FSTL5: variants seen among roughly 807,000 people sequenced by gnomAD.
The protein encoded by FSTL5 is follistatin-related protein 5.
FSTL5 carries 62 observed loss-of-function variants against 89.1 expected under a neutral mutation model. The observed-to-expected ratio is 0.70, with a 90% CI of 0.57 to 0.86. The LOEUF (loss-of-function observed/expected upper bound fraction) is 0.86. Among genes scored for constraint, FSTL5 ranks in the 40% least tolerant of loss-of-function variants. The probability of loss-of-function intolerance (pLI) is 0.00; values close to 1 mark genes in which losing one functional copy is unlikely to be tolerated. For synonymous variants in FSTL5, 383 were observed against 346.2 expected (o/e 1.11, Z -1.18); for missense variants, 1,057 against 1,001.6 (o/e 1.06, Z -0.75).
At chr4:162,013,628 G>C (rs1736832174) in intron 3 of FSTL5, among the ~76,000 whole-genome samples, 1 of 152,120 alleles carries the variant, frequency 6.6e-6, no homozygotes, top group Admixed American at 6.6e-5. Context: ...TCTCTGCCTT[G>C]ATGACTTAGG....
At chr4:161,674,906 G>A (rs1331372637) in intron 6 of FSTL5, among the ~76,000 whole-genome samples, 1 of 152,038 alleles carries the variant, frequency 6.6e-6, no homozygotes, top group Non-Finnish European at 1.5e-5. Context: ...GCCACACTTC[G>A]GGGGCTCCAC....
chr4:161,456,806 T>C (rs1457005453), intron 14 of FSTL5, among the ~76,000 whole-genome samples: 1 of 152,218 alleles, frequency 6.6e-6, no homozygotes. Flanking sequence ...TGGAGACTAG[T>C]GATAGTGGCT....
At chr4:161,504,174 G>T (rs1313787986) in intron 11 of FSTL5, among the ~76,000 whole-genome samples, 1 of 151,840 alleles carries the variant, frequency 6.6e-6, no homozygotes, top group South Asian at 2.1e-4. Flanking sequence ...GTTTATTAGG[G>T]CTATTTTAAC....
chr4:161,439,747 G>A (rs568320939), intron 15 of FSTL5, among the ~76,000 whole-genome samples: 4 of 152,086 alleles, frequency 2.6e-5, no homozygotes, highest in Non-Finnish European at 4.4e-5. Flanking sequence ...ACACGCACAC[G>A]TGTGCCTTTC....
chr4:161,738,679 T>A (rs1336284477), intron 6 of FSTL5, among the ~76,000 whole-genome samples: 1 of 152,288 alleles, frequency 6.6e-6, no homozygotes, highest in East Asian at 1.9e-4. Context: ...ACCACATTAA[T>A]TGGTGTTGAT....
At position 161,421,717 on chromosome 4, in the gene FSTL5, C is replaced by T. The variant is rs749793416; in HGVS notation, c.1841+33287G>A. Among the ~76,000 whole-genome samples, 4 of 152,154 alleles carry T rather than the reference C, an allele frequency of 2.6e-5. No homozygotes were observed. In the East Asian group the frequency reaches 5.8e-4, roughly 22 times the overall value. On this transcript the variant is annotated intron_variant, in intron 15 of 15. Coordinates refer to ENST00000306100, the MANE Select transcript of FSTL5 (RefSeq NM_020116.5). ...GGCTCTCCCTAATGTGGGTGGGCAT[C>T]GTCCAATCTGTTGAGGGCTTGAATA...
intron 1 of FSTL5, among the ~76,000 whole-genome samples, chr4:162,121,670 T>G (rs1212770461): frequency 6.6e-6 from 1 of 152,054 alleles, no homozygotes; most frequent in Non-Finnish European, 1.5e-5. Flanking sequence ...TACTTAGCTC[T>G]TCTCTACTGT....
intron 14 of FSTL5, among the ~76,000 whole-genome samples, chr4:161,456,946 C>A (rs188828978): frequency 6.6e-6 from 1 of 152,104 alleles, no homozygotes; most frequent in Non-Finnish European, 1.5e-5. Flanking sequence ...TCTCTCCAGA[C>A]AGAGGATAGG....
At chr4:161,773,955 T>G (rs754811586) in intron 5 of FSTL5, among the ~76,000 whole-genome samples, 4 of 152,096 alleles carry the variant, frequency 2.6e-5, no homozygotes, top group Non-Finnish European at 4.4e-5. Flanking sequence ...CATCATTCAA[T>G]GAGTGGATAA....
chr4:161,499,370 C>T (rs1345847230), intron 12 of FSTL5, among the ~76,000 whole-genome samples: 1 of 151,912 alleles, frequency 6.6e-6, no homozygotes, highest in Non-Finnish European at 1.5e-5. Flanking sequence ...ACAAAATATC[C>T]AGGAGGAAAC....
At chr4:161,474,703 G>A (rs988749914) in intron 13 of FSTL5, among the ~76,000 whole-genome samples, 3 of 151,790 alleles carry the variant, frequency 2.0e-5, no homozygotes, top group Non-Finnish European at 2.9e-5. Flanking sequence ...CCGCCACCAC[G>A]CCTGGCTAAT....
In FSTL5 at chr4:161,943,678, C is replaced by G. The variant is rs548250178; in HGVS notation, c.161-23026G>C. On this transcript the variant is annotated intron_variant, in intron 3 of 15. Coordinates refer to ENST00000306100, the MANE Select transcript of FSTL5 (RefSeq NM_020116.5). ...TCATGCCATTCTCCTGCCTCAGCCT[C>G]CCGAGTAGCTGGGACTACAGGCACC... Among the ~76,000 whole-genome samples, 98 of 149,688 alleles carry G rather than the reference C, an allele frequency of 6.5e-4. 1 individual carries two copies. The highest frequency in any genetic ancestry group is 1.1e-3 in the Non-Finnish European group (77 of 67,612).
intron 1 of FSTL5, among the ~76,000 whole-genome samples, chr4:162,146,770 C>CTCTCTCTCTCTT (rs754279568): frequency 6.5e-4 from 93 of 142,918 alleles, no homozygotes; most frequent in Non-Finnish European, 9.5e-4. Flanking sequence ...CTCTCTCTCT[C>CTCTCTCTCTCTT]TCTTTCTTTC....
chr4:161,734,428 G>T (rs1313983835), intron 6 of FSTL5, among the ~76,000 whole-genome samples: 2 of 152,168 alleles, frequency 1.3e-5, no homozygotes, highest in Non-Finnish European at 2.9e-5. Flanking sequence ...AAGTTTCACT[G>T]GCTGACACTA....
intron 6 of FSTL5, among the ~76,000 whole-genome samples, chr4:161,685,565 T>A (rs1364651225): frequency 6.6e-6 from 1 of 152,216 alleles, no homozygotes; most frequent in Non-Finnish European, 1.5e-5. Context: ...CTCAGCTTGG[T>A]CGCTATTGGT....
intron 4 of FSTL5, among the ~76,000 whole-genome samples, chr4:161,869,694 C>A (rs1223685195): frequency 6.6e-6 from 1 of 152,184 alleles, no homozygotes; most frequent in Non-Finnish European, 1.5e-5. Flanking sequence ...ACAAAGAATT[C>A]TCTGGCTGAA....
chr4:161,573,562 C>T (rs1241208466), intron 8 of FSTL5, among the ~76,000 whole-genome samples: 4 of 150,720 alleles, frequency 2.7e-5, no homozygotes, highest in Admixed American at 1.3e-4. Flanking sequence ...ATGAGAAACC[C>T]GTCTCTAGTA....
chr4:162,090,549 G>T (rs574506332), intron 2 of FSTL5, among the ~76,000 whole-genome samples: 2 of 152,002 alleles, frequency 1.3e-5, no homozygotes, highest in African/African-American at 4.8e-5. Context: ...GGCCGGGTGC[G>T]GTGACTCATG....
intron 2 of FSTL5, among the ~76,000 whole-genome samples, chr4:162,046,546 T>A (rs1738187826): frequency 6.6e-6 from 1 of 152,030 alleles, no homozygotes; most frequent in African/African-American, 2.4e-5. Context: ...TTCAAGAAAG[T>A]TTTCTCCTGG....
Sources: allele counts gnomAD v4.1 joint callset (sites outside exome capture counted in the v4.1 genomes callset), GRCh38; gene constraint gnomAD v4.1.1; transcripts MANE v1.5; gene names NCBI Gene and HGNC (gene_info 2026-07-23, HGNC 2026-07-21).